Variants in GLIS3 observed in about 807,000 individuals in gnomAD.
The protein encoded by GLIS3 is zinc finger protein GLIS3.
A neutral mutation model predicts 78.6 loss-of-function variants in GLIS3; 53 were observed. The ratio of observed to expected loss-of-function variants is 0.67; its 90% CI spans 0.54 to 0.85. The LOEUF is 0.85. Among genes scored for constraint, GLIS3 ranks in the 40% least tolerant of loss-of-function variants. The pLI is 0.00. For missense variants in GLIS3, 1,703 were observed against 1,231.1 expected, an observed-to-expected ratio of 1.38 and a Z score of -5.74; for synonymous variants, 684 against 509.9, an observed-to-expected ratio of 1.34 and a Z score of -4.60.
rs116690595 is a variant in GLIS3, at chr9:3,940,674, G to A, written c.1711-3485C>T. ...AACAAACAAACTCTCGGAATCCAAG[G>A]AGGAAACAGAAGGTGGCTGAATAGA... On this transcript the variant is annotated intron_variant, in intron 4 of 10. Transcript: ENST00000381971. Among the ~76,000 whole-genome samples, 1,224 of 152,254 alleles carry A rather than the reference G, an allele frequency of 8.0e-3. 18 individuals are homozygous for A. Among genetic ancestry groups the A allele is most frequent in the African/African-American group, 0.028 (1,156 of 41,544 alleles).
the GLIS3 span, among the ~76,000 whole-genome samples, chr9:4,408,191 C>A: frequency 6.6e-6 from 1 of 151,946 alleles, no homozygotes; most frequent in Non-Finnish European, 1.5e-5. Flanking sequence ...ACAACCACTA[C>A]GGAGAACAGC....
chr9:4,185,168 T>C (rs1334884825), intron 2 of GLIS3, among the ~76,000 whole-genome samples: 1 of 152,228 alleles, frequency 6.6e-6, no homozygotes, highest in Admixed American at 6.5e-5. Context: ...AATTTGACTT[T>C]TTTAACACTT....
the GLIS3 span, among the ~76,000 whole-genome samples, chr9:4,478,305 C>T: frequency 6.6e-6 from 1 of 152,092 alleles, no homozygotes; most frequent in Non-Finnish European, 1.5e-5. Flanking sequence ...TGTGTTTGTA[C>T]TAATACTTTA....
chr9:3,966,438 T>A (rs1272716979), intron 4 of GLIS3, among the ~76,000 whole-genome samples: 1 of 151,538 alleles, frequency 6.6e-6, no homozygotes, highest in Admixed American at 6.6e-5. Flanking sequence ...TGCAAAGCCT[T>A]TTTTTTTTCA....
At chr9:4,462,854 C>T in the GLIS3 span, among the ~76,000 whole-genome samples, 18 of 152,232 alleles carry the variant, frequency 1.2e-4, no homozygotes, top group Admixed American at 3.9e-4. Flanking sequence ...CATCCCAAAT[C>T]GTTTGAAAAG....
In GLIS3 at chr9:4,300,066, T is replaced by C. The variant is rs922670513; in HGVS notation, c.-744A>G. The C allele has an allele frequency of 7.0e-6, 1 of 143,604 alleles. No individual in the cohort carries two copies. The highest frequency in any genetic ancestry group is 2.6e-5 in the African/African-American group (1 of 37,992). The allele number at this position is 143,604 out of a possible 1,614,324, so 8.9% of individuals were successfully genotyped here. On this transcript the variant is annotated 5_prime_UTR_variant, in exon 1 of 11. Transcript: ENST00000381971. ...CAGCCGGGCGAGGAGTGTGGATGTG[T>C]GTGCGGCCGCGAGGGCCGGCCTGTA... is the stretch of plus-strand genomic sequence containing the variant.
At chr9:4,198,754 A>G (rs1240110538) in intron 2 of GLIS3, among the ~76,000 whole-genome samples, 1 of 152,224 alleles carries the variant, frequency 6.6e-6, no homozygotes, top group Non-Finnish European at 1.5e-5. Flanking sequence ...ACCAAGACAT[A>G]TAGTCACCAG....
At chr9:3,852,227 G>A (rs1819479693) in intron 9 of GLIS3, among the ~76,000 whole-genome samples, 1 of 151,784 alleles carries the variant, frequency 6.6e-6, no homozygotes, top group South Asian at 2.1e-4. Flanking sequence ...AGGTAGCAAT[G>A]CCCAGACATT....
intron 4 of GLIS3, among the ~76,000 whole-genome samples, chr9:4,041,383 G>A (rs186472395): frequency 6.6e-6 from 1 of 152,160 alleles, no homozygotes; most frequent in East Asian, 1.9e-4. Flanking sequence ...CATTAATGCT[G>A]CTTTTGAGAA....
At chr9:4,296,535 G>A (rs2130439239) in intron 1 of GLIS3, among the ~76,000 whole-genome samples, 1 of 152,202 alleles carries the variant, frequency 6.6e-6, no homozygotes, top group East Asian at 1.9e-4. Flanking sequence ...CTTCTTCCAA[G>A]CAAACCAACA....
the GLIS3 span, among the ~76,000 whole-genome samples, chr9:4,371,893 G>C: frequency 3.3e-5 from 5 of 152,180 alleles, no homozygotes; most frequent in Admixed American, 1.3e-4. Flanking sequence ...AACGCATCCA[G>C]AATTGAACTG....
chr9:4,021,237 A>G (rs963006552), intron 4 of GLIS3, among the ~76,000 whole-genome samples: 4 of 152,218 alleles, frequency 2.6e-5, no homozygotes, highest in Admixed American at 6.5e-5. Context: ...ACTTTGGAGG[A>G]TGGTTCAAAC....
At chr9:4,243,720 A>G (rs1387034134) in intron 2 of GLIS3, among the ~76,000 whole-genome samples, 1 of 152,212 alleles carries the variant, frequency 6.6e-6, no homozygotes, top group East Asian at 1.9e-4. Flanking sequence ...CAGTTTTCTT[A>G]AAATAGTGTA....
upstream of GLIS3, among the ~76,000 whole-genome samples, chr9:4,300,069 G>GCGGC (rs1236772556): frequency 6.6e-6 from 1 of 151,692 alleles, no homozygotes; most frequent in Non-Finnish European, 1.5e-5. Flanking sequence ...GGATGTGTGT[G>GCGGC]CGGCCGCGAG....
chr9:4,428,661 T>A, the GLIS3 span, among the ~76,000 whole-genome samples: 2 of 152,028 alleles, frequency 1.3e-5, no homozygotes, highest in Admixed American at 6.6e-5. Flanking sequence ...TATAAAACCT[T>A]CATGGTGTGG....
intron 2 of GLIS3, among the ~76,000 whole-genome samples, chr9:4,203,456 G>A (rs1388260417): frequency 1.3e-5 from 2 of 152,114 alleles, no homozygotes; most frequent in African/African-American, 2.4e-5. Context: ...ATTTACCTAC[G>A]TAACATGACT....
chr9:4,476,237 A>T, the GLIS3 span, among the ~76,000 whole-genome samples: 1 of 152,354 alleles, frequency 6.6e-6, no homozygotes, highest in South Asian at 2.1e-4. Context: ...GGAATAACAC[A>T]GGGAAAATAA....
chr9:4,444,288 C>T, the GLIS3 span, among the ~76,000 whole-genome samples: 2 of 152,232 alleles, frequency 1.3e-5, no homozygotes, highest in Non-Finnish European at 2.9e-5. Flanking sequence ...CTACGCTTCT[C>T]ATACACAATA....
At chr9:4,105,779 C>A (rs906699814) in intron 4 of GLIS3, among the ~76,000 whole-genome samples, 1 of 152,080 alleles carries the variant, frequency 6.6e-6, no homozygotes. Context: ...TTGACTGATT[C>A]CACCATAAAG....
Sources: allele counts gnomAD v4.1 joint callset (sites outside exome capture counted in the v4.1 genomes callset), GRCh38; gene constraint gnomAD v4.1.1; transcripts MANE v1.5; gene names NCBI Gene and HGNC (gene_info 2026-07-23, HGNC 2026-07-21).